CTIF: variants seen among roughly 807,000 people sequenced by gnomAD.
The protein encoded by CTIF is CBP80/20-dependent translation initiation factor.
CTIF carries 21 observed loss-of-function variants against 66.0 expected under a neutral mutation model. The observed-to-expected ratio is 0.32, with a 90% CI of 0.23 to 0.46. CTIF has a LOEUF of 0.46. CTIF is among the 20% of genes least tolerant of loss of function. The probability of loss-of-function intolerance (pLI) is 1.00; values close to 1 mark genes in which losing one functional copy is unlikely to be tolerated. For synonymous variants in CTIF, 345 were observed against 326.4 expected, an observed-to-expected ratio of 1.06 and a Z score of -0.62; for missense variants, 739 against 812.7, an observed-to-expected ratio of 0.91 and a Z score of 1.10.
intron 10 of CTIF, among the ~76,000 whole-genome samples, chr18:48,848,553 C>T (rs2069130190): frequency 2.6e-5 from 4 of 152,236 alleles, no homozygotes; most frequent in Admixed American, 2.6e-4. Flanking sequence ...TGGATGGACA[C>T]TGCACCCCTC....
intron 7 of CTIF, among the ~76,000 whole-genome samples, chr18:48,745,074 G>A (rs1020464715): frequency 6.6e-6 from 1 of 151,912 alleles, no homozygotes; most frequent in Non-Finnish European, 1.5e-5. Flanking sequence ...CGCCTGCCTC[G>A]GCCTCCCAAA....
At chr18:48,645,911 C>A (rs1307088260) in intron 3 of CTIF, among the ~76,000 whole-genome samples, 1 of 152,182 alleles carries the variant, frequency 6.6e-6, no homozygotes, top group Non-Finnish European at 1.5e-5. Context: ...TTTTCCCCTG[C>A]CAGAGTGGTA....
chr18:48,539,692 T>A (rs369516650), intron 1 of CTIF: 15 of 152,624 alleles, frequency 9.8e-5, no homozygotes, highest in Admixed American at 7.8e-4. Flanking sequence ...GCCGCTGTCA[T>A]GTGCCGGGTT....
intron 6 of CTIF, among the ~76,000 whole-genome samples, chr18:48,685,869 G>C (rs1035795805): frequency 6.6e-6 from 1 of 151,890 alleles, no homozygotes; most frequent in Non-Finnish European, 1.5e-5. Flanking sequence ...TAGAGATGGG[G>C]TTTCACTGTG....
intron 7 of CTIF, among the ~76,000 whole-genome samples, chr18:48,734,202 C>T (rs2092479797): frequency 6.6e-6 from 1 of 152,182 alleles, no homozygotes; most frequent in Admixed American, 6.5e-5. Flanking sequence ...GTGGGGAGAC[C>T]CTCGGCTGCA....
intron 9 of CTIF, among the ~76,000 whole-genome samples, chr18:48,779,000 G>A (rs151056689): frequency 1.1e-4 from 16 of 152,316 alleles, no homozygotes; most frequent in East Asian, 5.8e-4. Flanking sequence ...TTAATACTTC[G>A]TAGCTGTGTG....
chr18:48,611,911 C>T lies in CTIF; in HGVS notation c.-28-7627C>T, dbSNP rs573470405. Among the ~76,000 whole-genome samples the T allele has an allele frequency of 1.4e-3, 213 of 152,240 alleles. 1 individual carries two copies. Among genetic ancestry groups the T allele is most frequent in the African/African-American group, 4.8e-3 (201 of 41,540 alleles). On this transcript the variant is annotated intron_variant, in intron 1 of 11. Coordinates refer to ENST00000256413, the MANE Select transcript of CTIF (RefSeq NM_014772.3). ...TGAACACCACCATGCTAGCTAACAC[C>T]CTGTTGGATGTTTGAGTGACAAAAG... is the stretch of plus-strand genomic sequence containing the variant.
At chr18:48,786,376 G>C (rs1911706640) in intron 9 of CTIF, among the ~76,000 whole-genome samples, 1 of 152,158 alleles carries the variant, frequency 6.6e-6, no homozygotes, top group African/African-American at 2.4e-5. Context: ...CAAGAGCCTG[G>C]ACTCAGGAGC....
At position 48,859,869 on chromosome 18, in the gene CTIF, C is replaced by T; in HGVS notation, c.*310C>T. The T allele has an allele frequency of 7.0e-6, 4 of 568,336 alleles. No individual in the cohort carries two copies. Among genetic ancestry groups the T allele is most frequent in the Non-Finnish European group, 1.3e-5 (4 of 298,916 alleles). 35.2% of individuals were successfully genotyped at this position (568,336 alleles called of 1,614,324 possible). ...TCCCCTCCCCATCAGACCCATCCCC[C>T]ACGGAGCTTTGTGTGAGGGATCTCA... On this transcript the variant is annotated 3_prime_UTR_variant, in exon 12 of 12. Transcript: ENST00000256413.
At chr18:48,554,305 G>T (rs1402067661) in intron 1 of CTIF, among the ~76,000 whole-genome samples, 1 of 152,216 alleles carries the variant, frequency 6.6e-6, no homozygotes, top group South Asian at 2.1e-4. Context: ...ACAAACTGAG[G>T]ACTGGTTCTC....
At chr18:48,615,919 A>G (rs1220062238) in intron 1 of CTIF, among the ~76,000 whole-genome samples, 1 of 152,180 alleles carries the variant, frequency 6.6e-6, no homozygotes, top group African/African-American at 2.4e-5. Flanking sequence ...TCCTCGGGGC[A>G]CCAAAAGGCT....
chr18:48,730,107 C>T lies in CTIF; in HGVS notation c.584+18412C>T, dbSNP rs551972568. On this transcript the variant is annotated intron_variant, in intron 7 of 11. Transcript: ENST00000256413. Reference sequence around the variant, plus strand: ...TACACCCATTACAATTAAATAAAGCCACAAGTTCAGTTCTGCAGTCATATT... The same window carrying T: ...TACACCCATTACAATTAAATAAAGCTACAAGTTCAGTTCTGCAGTCATATT... 9.8e-5 allele frequency among the ~76,000 whole-genome samples: 15 copies of T among 152,332 alleles called. No homozygotes were observed. In the South Asian group the frequency reaches 2.9e-3, roughly 29 times the overall value.
At chr18:48,661,044 A>C (rs1053198783) in intron 3 of CTIF, among the ~76,000 whole-genome samples, 4 of 152,164 alleles carry the variant, frequency 2.6e-5, no homozygotes, top group Admixed American at 2.6e-4. Flanking sequence ...TCCTCCTGTT[A>C]CAAAGTGGCA....
intron 2 of CTIF, among the ~76,000 whole-genome samples, chr18:48,621,036 T>A (rs2090483831): frequency 6.6e-6 from 1 of 152,182 alleles, no homozygotes; most frequent in African/African-American, 2.4e-5. Context: ...AAATCACAAG[T>A]AATGCAAGCT....
At chr18:48,733,593 G>A (rs1343847228) in intron 7 of CTIF, among the ~76,000 whole-genome samples, 1 of 152,228 alleles carries the variant, frequency 6.6e-6, no homozygotes, top group Non-Finnish European at 1.5e-5. Context: ...GGCAGTCGAG[G>A]GCACACCAGT....
Position 48,859,756 on chromosome 18 carries a change from C to G in CTIF, c.*197C>G. 1.4e-6 allele frequency: 1 copy of G among 698,622 alleles called. No individual in the cohort carries two copies. The highest frequency in any genetic ancestry group is 2.6e-6 in the Non-Finnish European group (1 of 383,058). The allele number at this position is 698,622 out of a possible 1,614,324, so 43.3% of individuals were successfully genotyped here. A position where few individuals can be genotyped will look rare whatever the true frequency, so the allele number is the denominator to read the frequency against. On this transcript the variant is annotated 3_prime_UTR_variant, in exon 12 of 12. Coordinates refer to ENST00000256413, the MANE Select transcript of CTIF (RefSeq NM_014772.3). ...GAGGAGTGCCCCCGCACAAGCCCCC[C>G]AGCCCGAGCATGCAAGCTCACACCA...
intron 5 of CTIF, among the ~76,000 whole-genome samples, chr18:48,665,410 C>T (rs1243659374): frequency 6.6e-6 from 1 of 152,208 alleles, no homozygotes; most frequent in African/African-American, 2.4e-5. Flanking sequence ...AATGTGACTC[C>T]AGCGAGACAC....
chr18:48,765,164 T>C (rs1909400909), intron 9 of CTIF, among the ~76,000 whole-genome samples: 1 of 152,236 alleles, frequency 6.6e-6, no homozygotes, highest in African/African-American at 2.4e-5. Context: ...CAGGGATGTC[T>C]TTTTTCACCT....
chr18:48,588,426 A>G (rs1440089087), intron 1 of CTIF, among the ~76,000 whole-genome samples: 2 of 151,996 alleles, frequency 1.3e-5, no homozygotes, highest in East Asian at 3.9e-4. Flanking sequence ...TCTGAGCCCA[A>G]TCCAGCTCCC....
Sources: allele counts gnomAD v4.1 joint callset (sites outside exome capture counted in the v4.1 genomes callset), GRCh38; gene constraint gnomAD v4.1.1; transcripts MANE v1.5; gene names NCBI Gene and HGNC (gene_info 2026-07-23, HGNC 2026-07-21).